The following MREG variants were observed in gnomAD, a reference collection of about 807,000 sequenced individuals.
MREG encodes the protein melanoregulin, also known as dilute suppressor protein homolog.
In MREG, 31 loss-of-function variants were observed where a neutral mutation model predicts 28.5. The observed-to-expected ratio is 1.09, with a 90% CI of 0.82 to 1.47. The LOEUF is 1.47. MREG is among the 40% of genes most tolerant of loss of function. The pLI is 0.00. For missense variants in MREG, 256 were observed against 257.4 expected (o/e 0.99, Z 0.04); for synonymous variants, 106 against 95.2 (o/e 1.11, Z -0.66).
chr2:215,946,017 G>C (rs1215291483), intron 3 of MREG, among the ~76,000 whole-genome samples: 1 of 151,842 alleles, frequency 6.6e-6, no homozygotes, highest in Non-Finnish European at 1.5e-5. Context: ...CCTTGTTTCT[G>C]GTTTGAAGCC....
chr2:215,945,496 G>T, intron 4 of MREG, 75 bp downstream of exon 4: 1 of 1,526,196 alleles, frequency 6.6e-7, no homozygotes, highest in Non-Finnish European at 8.9e-7. Flanking sequence ...TTGGAATACG[G>T]AGGATAGTGA....
downstream of MREG, among the ~76,000 whole-genome samples, chr2:215,940,775 T>C (rs935232112): frequency 6.6e-6 from 1 of 152,158 alleles, no homozygotes; most frequent in African/African-American, 2.4e-5. Flanking sequence ...TTTACTAAGA[T>C]GCAGTCACAA....
chr2:216,031,414 AAGG>A (rs1290481239), intron 1 of MREG, among the ~76,000 whole-genome samples: 6 of 87,120 alleles, frequency 6.9e-5, no homozygotes, highest in East Asian at 4.0e-4. Flanking sequence ...GAAAGGAAGA[AAGG>A]AAGAAAGAAA....
chr2:215,969,728 G>A (rs1336728228), intron 2 of MREG, among the ~76,000 whole-genome samples: 1 of 152,058 alleles, frequency 6.6e-6, no homozygotes, highest in South Asian at 2.1e-4. Flanking sequence ...AGAACAAAGG[G>A]CAGACGATGA....
Position 215,943,338 on chromosome 2 carries a change from C to G in MREG, c.*1525G>C, listed in dbSNP as rs548840818. On this transcript the variant is annotated 3_prime_UTR_variant, in exon 5 of 5. Coordinates refer to ENST00000263268, the MANE Select transcript of MREG (RefSeq NM_018000.3). ...TCTGTAGAGAGAAGCAAGCTGCATT[C>G]ACAGCATTGCTCCCTTTTGAAAATT... The G allele has an allele frequency of 1.1e-4, 51 of 454,886 alleles. No homozygotes were observed. The highest frequency in any genetic ancestry group is 9.8e-4 in the African/African-American group (49 of 50,142). The allele number at this position is 454,886 out of a possible 1,614,324, so 28.2% of individuals were successfully genotyped here. A position where few individuals can be genotyped will look rare whatever the true frequency, so the allele number is the denominator to read the frequency against.
chr2:216,019,009 G>A (rs1694484691), intron 1 of MREG, among the ~76,000 whole-genome samples: 1 of 152,176 alleles, frequency 6.6e-6, no homozygotes, highest in African/African-American at 2.4e-5. Flanking sequence ...CTGGAGTTGA[G>A]GCATGAATTA....
At chr2:215,976,557 C>A (rs1221999296) in intron 2 of MREG, among the ~76,000 whole-genome samples, 1 of 152,178 alleles carries the variant, frequency 6.6e-6, no homozygotes, top group Non-Finnish European at 1.5e-5. Context: ...ACCGAGTTAT[C>A]ATACCTTGAG....
intron 1 of MREG, among the ~76,000 whole-genome samples, chr2:216,029,698 C>G (rs1694650175): frequency 6.6e-6 from 1 of 152,236 alleles, no homozygotes; most frequent in Non-Finnish European, 1.5e-5. Flanking sequence ...TAGACTAACA[C>G]AAAACTCCCA....
chr2:215,952,600 T>C (rs887528311), intron 2 of MREG, among the ~76,000 whole-genome samples: 1 of 152,204 alleles, frequency 6.6e-6, no homozygotes, highest in African/African-American at 2.4e-5. Context: ...TAAAGAAATA[T>C]GTTCTAACAA....
At chr2:216,025,157 G>A (rs1337198197) in intron 1 of MREG, among the ~76,000 whole-genome samples, 1 of 152,100 alleles carries the variant, frequency 6.6e-6, no homozygotes, top group Non-Finnish European at 1.5e-5. Flanking sequence ...TTTTCTCTAT[G>A]GCAACATAGG....
intron 2 of MREG, among the ~76,000 whole-genome samples, chr2:215,990,020 C>T (rs1320605843): frequency 6.6e-6 from 1 of 152,096 alleles, no homozygotes; most frequent in East Asian, 1.9e-4. Flanking sequence ...GACAGGCCAA[C>T]ATTCAAATTC....
At chr2:215,986,680 G>T (rs1157317161) in intron 2 of MREG, among the ~76,000 whole-genome samples, 1 of 152,162 alleles carries the variant, frequency 6.6e-6, no homozygotes, top group Non-Finnish European at 1.5e-5. Flanking sequence ...AGTCTCACAA[G>T]ATCTGATGGT....
At chr2:215,992,448 G>A (rs749645532) in intron 2 of MREG, among the ~76,000 whole-genome samples, 9 of 151,970 alleles carry the variant, frequency 5.9e-5, no homozygotes, top group Admixed American at 3.3e-4. Flanking sequence ...ACAAACCCAC[G>A]GCCAGTATCA....
At chr2:215,966,790 C>T (rs1199921242) in intron 2 of MREG, among the ~76,000 whole-genome samples, 4 of 151,988 alleles carry the variant, frequency 2.6e-5, no homozygotes, top group Admixed American at 6.6e-5. Context: ...TTAGTAGAGA[C>T]GAGGTTTCGC....
chr2:215,979,583 T>C (rs1433968062), intron 2 of MREG, among the ~76,000 whole-genome samples: 1 of 151,834 alleles, frequency 6.6e-6, no homozygotes, highest in Non-Finnish European at 1.5e-5. Context: ...TTCTCCACTT[T>C]ATAGTAAACA....
At chr2:216,021,259 A>G (rs1052283461) in intron 1 of MREG, among the ~76,000 whole-genome samples, 2 of 151,884 alleles carry the variant, frequency 1.3e-5, no homozygotes, top group Non-Finnish European at 2.9e-5. Context: ...GCAATTCTCC[A>G]ATCTCAGCCT....
At chr2:215,968,718 G>T (rs1215179533) in intron 2 of MREG, among the ~76,000 whole-genome samples, 1 of 152,076 alleles carries the variant, frequency 6.6e-6, no homozygotes, top group East Asian at 1.9e-4. Flanking sequence ...ATGAGTAATT[G>T]GTAACTTAAT....
intron 2 of MREG, among the ~76,000 whole-genome samples, chr2:215,989,771 C>T (rs1023645818): frequency 4.0e-5 from 6 of 151,368 alleles, no homozygotes; most frequent in Non-Finnish European, 8.8e-5. Flanking sequence ...ATAGCCAAAT[C>T]GATCAAGCAG....
At chr2:215,948,447 A>G (rs998899978) in intron 2 of MREG, among the ~76,000 whole-genome samples, 1 of 152,240 alleles carries the variant, frequency 6.6e-6, no homozygotes, top group African/African-American at 2.4e-5. Context: ...GTGCATGGTG[A>G]TTGGGGTCAG....
Sources: gnomAD v4.1 joint callset for allele counts (sites outside exome capture counted in the v4.1 genomes callset) on GRCh38, gnomAD v4.1.1 for gene constraint, MANE v1.5 for transcripts, NCBI Gene and HGNC (gene_info 2026-07-23, HGNC 2026-07-21) for gene names.